HS6ST3: variants seen among roughly 807,000 people sequenced by gnomAD.
HS6ST3 encodes the protein heparan-sulfate 6-O-sulfotransferase 3.
A neutral mutation model predicts 36.7 loss-of-function variants in HS6ST3; 12 were observed. The observed-to-expected ratio is 0.33, with a 90% CI of 0.21 to 0.53. The LOEUF is 0.53. HS6ST3 is among the 20% of genes least tolerant of loss of function. HS6ST3 has a pLI of 0.95. For synonymous variants in HS6ST3, 240 were observed against 257.5 expected, an observed-to-expected ratio of 0.93 and a Z score of 0.65; for missense variants, 584 against 640.9, an observed-to-expected ratio of 0.91 and a Z score of 0.96.
Position 96,468,473 on chromosome 13 carries a change from C to CACAT in HS6ST3, c.708-364013_708-364010dup, listed in dbSNP as rs55886509. Among the ~76,000 whole-genome samples, 129 of 95,966 alleles carry CACAT rather than the reference C, an allele frequency of 1.3e-3. 4 individuals carry two copies. The East Asian group carries it at 0.034, about 25-fold the overall frequency. The allele number at this position is 95,966 out of a possible 152,430, so 63.0% of individuals were successfully genotyped here. A position where few individuals can be genotyped will look rare whatever the true frequency, so the allele number is the denominator to read the frequency against. Reference sequence around the variant, plus strand: ...TATTTAACATTTAACAGGACATACACACATACACACACACACACACACACA... The same window carrying CACAT: ...TATTTAACATTTAACAGGACATACACACATACATACACACACACACACACACACA... On this transcript the variant is annotated intron_variant, in intron 1 of 1. Transcript: ENST00000376705.
intron 1 of HS6ST3, among the ~76,000 whole-genome samples, chr13:96,516,855 A>G (rs1239864330): frequency 1.3e-5 from 2 of 152,176 alleles, no homozygotes; most frequent in African/African-American, 4.8e-5. Flanking sequence ...TCTCACACAA[A>G]GACCTGTGAA....
chr13:96,282,796 C>T (rs974946919), intron 1 of HS6ST3, among the ~76,000 whole-genome samples: 3 of 152,024 alleles, frequency 2.0e-5, no homozygotes, highest in African/African-American at 4.8e-5. Context: ...CATGAAAACC[C>T]GAGGCTGCAT....
chr13:96,548,590 A>G (rs900118444), intron 1 of HS6ST3, among the ~76,000 whole-genome samples: 1 of 152,158 alleles, frequency 6.6e-6, no homozygotes, highest in Non-Finnish European at 1.5e-5. Context: ...CTATCTATCT[A>G]TGTATCTGTC....
chr13:96,273,509 A>G (rs1158627860), intron 1 of HS6ST3, among the ~76,000 whole-genome samples: 1 of 151,986 alleles, frequency 6.6e-6, no homozygotes, highest in Non-Finnish European at 1.5e-5. Flanking sequence ...GGTATAAACC[A>G]GAACTGTTGT....
intron 1 of HS6ST3, among the ~76,000 whole-genome samples, chr13:96,199,041 G>A (rs2054328504): frequency 1.3e-5 from 2 of 152,184 alleles, no homozygotes; most frequent in Admixed American, 1.3e-4. Context: ...GAGAAAATGA[G>A]AGAGAAGCAA....
chr13:96,134,729 C>T (rs1044831778), intron 1 of HS6ST3, among the ~76,000 whole-genome samples: 10 of 152,064 alleles, frequency 6.6e-5, no homozygotes, highest in Non-Finnish European at 1.3e-4. Flanking sequence ...TTGTCCTGAC[C>T]GTCTCTCACA....
At chr13:96,559,510 A>G (rs2056254145) in intron 1 of HS6ST3, among the ~76,000 whole-genome samples, 1 of 152,088 alleles carries the variant, frequency 6.6e-6, no homozygotes, top group South Asian at 2.1e-4. Context: ...TCTAGCTGGT[A>G]TTTGGAGATT....
intron 1 of HS6ST3, among the ~76,000 whole-genome samples, chr13:96,117,303 C>T (rs1158878325): frequency 6.6e-6 from 1 of 152,022 alleles, no homozygotes; most frequent in African/African-American, 2.4e-5. Context: ...TAAGATGCCC[C>T]CTATGGTCTA....
intron 1 of HS6ST3, among the ~76,000 whole-genome samples, chr13:96,633,108 G>A (rs1257626053): frequency 6.6e-6 from 1 of 152,178 alleles, no homozygotes; most frequent in African/African-American, 2.4e-5. Context: ...CCTGCAGTGA[G>A]TGAAAACATG....
At chr13:96,163,386 T>C (rs1168610756) in intron 1 of HS6ST3, among the ~76,000 whole-genome samples, 7 of 151,936 alleles carry the variant, frequency 4.6e-5, no homozygotes, top group East Asian at 1.9e-4. Context: ...CCCACCACCA[T>C]GCCTGGCTAA....
intron 1 of HS6ST3, among the ~76,000 whole-genome samples, chr13:96,734,598 C>A (rs547655265): frequency 6.6e-6 from 1 of 152,088 alleles, no homozygotes; most frequent in South Asian, 2.1e-4. Flanking sequence ...TAAATATACA[C>A]AGCATTTTAA....
chr13:96,737,631 CAAAAAAAAAAAA>C (rs5805990), intron 1 of HS6ST3, among the ~76,000 whole-genome samples: 721 of 65,814 alleles, frequency 0.011, 8 homozygotes, highest in African/African-American at 0.038. Context: ...GACTCCGTCT[CAAAAAAAAAAAA>C]AAAAAAAAAA....
intron 1 of HS6ST3, among the ~76,000 whole-genome samples, chr13:96,292,270 GAT>G (rs2054833998): frequency 6.6e-6 from 1 of 151,844 alleles, no homozygotes; most frequent in African/African-American, 2.4e-5. Flanking sequence ...ACTTTAAAGT[GAT>G]AGTTAATTTT....
intron 1 of HS6ST3, among the ~76,000 whole-genome samples, chr13:96,648,803 C>T (rs142983434): frequency 6.6e-6 from 1 of 152,164 alleles, no homozygotes; most frequent in East Asian, 1.9e-4. Flanking sequence ...CTTCCAGCTC[C>T]ATCCATGTCC....
chr13:96,169,357 T>C (rs2054176730), intron 1 of HS6ST3, among the ~76,000 whole-genome samples: 1 of 151,918 alleles, frequency 6.6e-6, no homozygotes, highest in Non-Finnish European at 1.5e-5. Context: ...AGGAAAACTG[T>C]TTGGTAGCAT....
intron 1 of HS6ST3, among the ~76,000 whole-genome samples, chr13:96,522,292 A>T (rs945095471): frequency 2.6e-5 from 4 of 152,118 alleles, no homozygotes; most frequent in Admixed American, 1.3e-4. Context: ...TTTTAGAATA[A>T]ATGTGATGTG....
chr13:96,284,910 GCTTTCTTT>G (rs71740033), intron 1 of HS6ST3, among the ~76,000 whole-genome samples: 17,831 of 133,470 alleles, frequency 0.13, 1,290 homozygotes, highest in Non-Finnish European at 0.15. Context: ...ATGCATATTT[GCTTTCTTT>G]CTTTCTTTCT....
chr13:96,112,687 G>T (rs2053876395), intron 1 of HS6ST3, among the ~76,000 whole-genome samples: 1 of 144,758 alleles, frequency 6.9e-6, no homozygotes, highest in African/African-American at 2.6e-5. Context: ...AGGATCACTT[G>T]ATCCCATGAG....
intron 1 of HS6ST3, among the ~76,000 whole-genome samples, chr13:96,595,924 T>G: frequency 6.6e-6 from 1 of 152,172 alleles, no homozygotes; most frequent in Non-Finnish European, 1.5e-5. Flanking sequence ...CATTTATTGT[T>G]TCCCTGTTTT....
Sources: allele counts gnomAD v4.1 joint callset (sites outside exome capture counted in the v4.1 genomes callset), GRCh38; gene constraint gnomAD v4.1.1; transcripts MANE v1.5; gene names NCBI Gene and HGNC (gene_info 2026-07-23, HGNC 2026-07-21).